Variants in SLFN11 observed in about 807,000 individuals in gnomAD.
SLFN11 encodes schlafen family member 11.
In SLFN11, 43 loss-of-function variants were observed where a neutral mutation model predicts 53.4. The ratio of observed to expected loss-of-function variants is 0.80; its 90% confidence interval spans 0.63 to 1.04. The LOEUF (loss-of-function observed/expected upper bound fraction) is 1.04. Ranked by LOEUF, SLFN11 falls within the 50% of genes least tolerant of loss-of-function variation. The pLI is 0.00. For missense variants in SLFN11, 990 were observed against 1,079.1 expected (o/e 0.92, Z 1.16); for synonymous variants, 389 against 394.7 (o/e 0.99, Z 0.17).
chr17:35,368,987 G>A (rs535464445), intron 1 of SLFN11, among the ~76,000 whole-genome samples: 2 of 151,884 alleles, frequency 1.3e-5, no homozygotes, highest in East Asian at 1.9e-4. Flanking sequence ...TGAATAATCA[G>A]CAACGATACC....
At chr17:35,360,050 C>T in intron 5 of SLFN11, 193 bp downstream of exon 5, 2 of 529,826 alleles carry the variant, frequency 3.8e-6, no homozygotes, top group Non-Finnish European at 6.5e-6. Context: ...TATGTGTGGT[C>T]CTGCCTTAGC....
At position 35,353,792 on chromosome 17, in the gene SLFN11, C is replaced by A. The variant is rs9898983; in HGVS notation, c.1466G>T (p.Arg489Leu). 319,883 of 1,566,432 alleles carry A rather than the reference C, an allele frequency of 0.2. 37,558 individuals carry two copies. Among genetic ancestry groups the A allele is most frequent in the East Asian group, 0.41 (18,138 of 44,006 alleles). Residue 489 changes from arginine to leucine, a missense_variant, in exon 6 of 7, where the codon CGC (arginine) becomes CTC (leucine). By Grantham distance (102) the Arg-to-Leu change is moderately radical (BLOSUM62 -2). Transcript: ENST00000685675. ...QDAEGQDYCT[R>L]TAFTLKQKLV... ...CTTCTGCTTCAAAGTAAAGGCGGTG[C>A]GAGTGCAGTAGTCCTGGCCCTCTGC...
Position 35,351,485 on chromosome 17 carries a change from G to C in SLFN11, c.*871C>G, listed in dbSNP as rs187922680. Reference sequence around the variant, plus strand: ...AATAACATAAAACTTAACTAGGTGTGTTATAGAGCAATGCATAGAACTAAG... The same window carrying C: ...AATAACATAAAACTTAACTAGGTGTCTTATAGAGCAATGCATAGAACTAAG... On this transcript the variant is annotated 3_prime_UTR_variant, in exon 7 of 7. Coordinates refer to ENST00000685675, the MANE Select transcript of SLFN11 (RefSeq NM_001376007.1). The C allele has an allele frequency of 6.6e-5, 10 of 152,142 alleles. No individual in the cohort carries two copies. Among genetic ancestry groups the C allele is most frequent in the African/African-American group, 2.4e-4 (10 of 41,418 alleles). 9.4% of individuals were successfully genotyped at this position (152,142 alleles called of 1,614,324 possible).
In SLFN11 at chr17:35,353,946, T is replaced by C; in HGVS notation, c.1312A>G (p.Ile438Val). The change falls in exon 6 of 7, where the codon ATT (isoleucine) becomes GTT (valine). Residue 438 changes from isoleucine to valine, a missense_variant. Ile to Val is a conservative substitution (Grantham distance 29). Coordinates refer to ENST00000685675, the MANE Select transcript of SLFN11 (RefSeq NM_001376007.1). ...GCCCAACTTCTAGAGAAGATCAAAA[T>C]TCCCCGAAAGAAAGGTTGCATTTGC... Reference protein sequence around the residue: ...NKQMQPFFRGILIFSRSWAVD... With the variant: ...NKQMQPFFRGVLIFSRSWAVD... 4 of 1,614,004 alleles carry C rather than the reference T, an allele frequency of 2.5e-6. No individual in the cohort carries two copies. Among genetic ancestry groups the C allele is most frequent in the South Asian group, 1.1e-5 (1 of 91,082 alleles).
chr17:35,360,657 C>T (rs180692105), intron 4 of SLFN11, among the ~76,000 whole-genome samples: 4 of 152,204 alleles, frequency 2.6e-5, no homozygotes, highest in South Asian at 2.1e-4. Context: ...ACACCTGTTA[C>T]GTTACCTAGC....
At chr17:35,362,524 A>G (rs114345965) in intron 4 of SLFN11, among the ~76,000 whole-genome samples, 231 of 152,274 alleles carry the variant, frequency 1.5e-3, no homozygotes, top group Middle Eastern at 6.8e-3. Context: ...TTCAGTTACT[A>G]ATGTAGAAAA....
rs774130077 is a variant in SLFN11 at position 35,352,984 on chromosome 17, C to T, written c.2078G>A (p.Gly693Asp). 6.2e-6 allele frequency: 10 copies of T among 1,614,014 alleles called. No homozygotes were observed. The Admixed American group carries it at 6.7e-5, about 11-fold the overall frequency. The change falls in exon 7 of 7, where the codon GGT (glycine) becomes GAT (aspartate). Residue 693 changes from glycine (G) to aspartate (D), a missense_variant. This residue lies in a region of SLFN11 where 313 missense variants were observed against 320.9 expected (regional missense o/e 0.98). Coordinates refer to ENST00000685675, the MANE Select transcript of SLFN11 (RefSeq NM_001376007.1). The stretch of plus-strand genomic sequence containing the variant: ...AAAGATCCAGAGAATTCCTGGGCCA[C>T]CCTTTGCTCTCCGAGTGATGCTTTT... ...KAKSITRRAK[G>D]GPGILWIFLD...
chr17:35,371,072 C>T (rs1183088048), intron 1 of SLFN11, among the ~76,000 whole-genome samples: 1 of 152,040 alleles, frequency 6.6e-6, no homozygotes, highest in African/African-American at 2.4e-5. Context: ...TCAAATTATA[C>T]TACAGAGCTA....
intron 3 of SLFN11, among the ~76,000 whole-genome samples, chr17:35,365,513 C>G (rs1908855056): frequency 2.0e-5 from 3 of 151,950 alleles, no homozygotes; most frequent in Admixed American, 2.0e-4. Flanking sequence ...AGGCTGGTCT[C>G]AAACTCCTGG....
intron 1 of SLFN11, among the ~76,000 whole-genome samples, chr17:35,373,057 G>T (rs1488438097): frequency 6.6e-6 from 1 of 152,094 alleles, no homozygotes; most frequent in Non-Finnish European, 1.5e-5. Context: ...TGTAGAACTA[G>T]TTTCTCAAGT....
At position 35,352,371 on chromosome 17, in the gene SLFN11, C is replaced by A. The variant is rs575021546; in HGVS notation, c.2691G>T (p.Pro897=). 1 of 1,613,724 alleles carries A rather than the reference C, an allele frequency of 6.2e-7. No individual in the cohort carries two copies. Among genetic ancestry groups the A allele is most frequent in the Admixed American group, 1.7e-5 (1 of 60,010 alleles). ...SRAKQHLYIF[P]WGGH ...GGAGTTCTTCCTAATGGCCACCCCACGGAAAAATATACAGGTGTTGTTTTG... is the reference window on the plus strand; with the variant it reads ...GGAGTTCTTCCTAATGGCCACCCCAAGGAAAAATATACAGGTGTTGTTTTG... The change falls in exon 7 of 7, where the codon CCG becomes CCT. Residue 897 remains proline, a synonymous_variant. Transcript: ENST00000685675.
chr17:35,352,687 A>G lies in SLFN11; in HGVS notation c.2375T>C (p.Val792Ala). 1 of 1,614,226 alleles carries G rather than the reference A, an allele frequency of 6.2e-7. No homozygotes were observed. The highest frequency in any genetic ancestry group is 1.7e-5 in the Admixed American group (1 of 60,026). ...YLTVEQIMTCVADTCRRFFDR... is the reference protein window; with the variant it reads ...YLTVEQIMTCAADTCRRFFDR... ...AAAGAAGCGCCTGCACGTGTCTGCC[A>G]CACAGGTCATTATTTGCTCCACAGT... Residue 792 changes from valine to alanine, a missense_variant, in exon 7 of 7, where the codon GTG becomes GCG. Coordinates refer to ENST00000685675, the MANE Select transcript of SLFN11 (RefSeq NM_001376007.1).
Position 35,363,598 on chromosome 17 carries a change from G to T in SLFN11, c.210C>A (p.Pro70=). 8 of 1,613,778 alleles carry T rather than the reference G, an allele frequency of 5.0e-6. No individual in the cohort carries two copies. Among genetic ancestry groups the T allele is most frequent in the Non-Finnish European group, 6.8e-6 (8 of 1,179,918 alleles). ...GTTCTAAATCCAGTCCCATCTCCACGGGATGCTCAACCTTCTTGGCCATTC... is the reference window on the plus strand; with the variant it reads ...GTTCTAAATCCAGTCCCATCTCCACTGGATGCTCAACCTTCTTGGCCATTC... The part of the protein sequence containing the change: ...VIRMAKKVEH[P]VEMGLDLEQS... The change falls in exon 4 of 7, where the codon CCC becomes CCA. Residue 70 remains proline (P), a synonymous_variant. Transcript: ENST00000685675.
At chr17:35,357,661 T>C (rs1406821034) in intron 5 of SLFN11, among the ~76,000 whole-genome samples, 1 of 148,204 alleles carries the variant, frequency 6.7e-6, no homozygotes, top group Non-Finnish European at 1.5e-5. Flanking sequence ...TTCTGTAACT[T>C]TGGTCTAATT....
chr17:35,369,803 A>T lies in SLFN11; in HGVS notation c.-234-2103T>A, dbSNP rs140382197. Among the ~76,000 whole-genome samples, 1,305 of 152,234 alleles carry T rather than the reference A, an allele frequency of 8.6e-3. 21 individuals are homozygous for T. The highest frequency in any genetic ancestry group is 0.03 in the African/African-American group (1,260 of 41,576). On this transcript the variant is annotated intron_variant, in intron 1 of 6. Coordinates refer to ENST00000685675, the MANE Select transcript of SLFN11 (RefSeq NM_001376007.1). ...ATTCTTAGACACATACAACCTACCA[A>T]GATTGAACCATGAAGAAACCCAAAA...
chr17:35,352,341 G>T lies in SLFN11; in HGVS notation c.*15C>A. ...CCCATAGACATTTACATAGCATTTT[G>T]ATTTGGAGTTCTTCCTAATGGCCAC... On this transcript the variant is annotated 3_prime_UTR_variant, in exon 7 of 7. Coordinates refer to ENST00000685675, the MANE Select transcript of SLFN11 (RefSeq NM_001376007.1). The T allele has an allele frequency of 6.2e-7, 1 of 1,612,436 alleles. No homozygotes were observed. The highest frequency in any genetic ancestry group is 8.5e-7 in the Non-Finnish European group (1 of 1,178,686).
Position 35,352,698 on chromosome 17 carries a change from T to A in SLFN11, c.2364A>T (p.Ile788=). The change falls in exon 7 of 7, where the codon ATA becomes ATT. Residue 788 remains isoleucine, a synonymous_variant. Coordinates refer to ENST00000685675, the MANE Select transcript of SLFN11 (RefSeq NM_001376007.1). ...RIKKYLTVEQ[I]MTCVADTCRR... ...TGCACGTGTCTGCCACACAGGTCAT[T>A]ATTTGCTCCACAGTCAAGTATTTCT... 1 of 1,614,216 alleles carries A rather than the reference T, an allele frequency of 6.2e-7. No homozygotes were observed. The highest frequency in any genetic ancestry group is 8.5e-7 in the Non-Finnish European group (1 of 1,180,038).
At chr17:35,365,965 C>T (rs1908905469) in intron 3 of SLFN11, among the ~76,000 whole-genome samples, 1 of 152,066 alleles carries the variant, frequency 6.6e-6, no homozygotes, top group African/African-American at 2.4e-5. Context: ...ACTGTACATA[C>T]AATGCTGTAA....
intron 5 of SLFN11, among the ~76,000 whole-genome samples, chr17:35,357,244 G>C (rs1261389234): frequency 6.6e-6 from 1 of 150,890 alleles, no homozygotes; most frequent in Admixed American, 6.6e-5. Flanking sequence ...GTTGTGATAC[G>C]GGTTGCAAAT....
Sources: gnomAD v4.1 joint callset for allele counts (sites outside exome capture counted in the v4.1 genomes callset) on GRCh38, gnomAD v4.1.1 for gene constraint, gnomAD v4.1.1 regional missense constraint, MANE v1.5 for transcripts, NCBI Gene and HGNC (gene_info 2026-07-23, HGNC 2026-07-21) for gene names.